NUAK1: variants seen among roughly 807,000 people sequenced by gnomAD.
NUAK1 encodes NUAK family kinase 1.
In NUAK1, 26 loss-of-function variants were observed where a neutral mutation model predicts 56.9. The ratio of observed to expected loss-of-function variants is 0.46; its 90% CI spans 0.33 to 0.63. The LOEUF (loss-of-function observed/expected upper bound fraction) is 0.63. Among genes scored for constraint, NUAK1 ranks in the 30% least tolerant of loss-of-function variants. The pLI, the probability that NUAK1 is intolerant of heterozygous loss-of-function variation, is 0.02. For synonymous variants in NUAK1, 337 were observed against 336.0 expected (o/e 1.00, Z -0.03); for missense variants, 727 against 876.1 (o/e 0.83, Z 2.15).
rs2033003524 is a variant in NUAK1 at position 106,124,083 on chromosome 12, G to A, written c.240+14331C>T. Among the ~76,000 whole-genome samples, 3 of 152,202 alleles carry A rather than the reference G, an allele frequency of 2.0e-5. No homozygotes were observed. The South Asian group carries it at 6.2e-4, about 32-fold the overall frequency. On this transcript the variant is annotated intron_variant, in intron 1 of 6. Coordinates refer to ENST00000261402, the MANE Select transcript of NUAK1 (RefSeq NM_014840.3). ...TCATGAGCTGTTTTAAGAAGCAAGT[G>A]CTTTTTCTGCTTGAAGCAAAGGGGT...
At chr12:106,084,514 G>A (rs1192473514) in intron 3 of NUAK1, among the ~76,000 whole-genome samples, 1 of 152,204 alleles carries the variant, frequency 6.6e-6, no homozygotes, top group Non-Finnish European at 1.5e-5. Context: ...CTCAGGGCTG[G>A]GTGAAAGATG....
In NUAK1 at chr12:106,067,900, A is replaced by G. The variant is rs777782412; in HGVS notation, c.888T>C (p.Thr296=). 6.2e-7 allele frequency: 1 copy of G among 1,614,034 alleles called. No individual in the cohort carries two copies. The highest frequency in any genetic ancestry group is 8.5e-7 in the Non-Finnish European group (1 of 1,179,930). The change falls in exon 7 of 7, where the codon ACT becomes ACC. Residue 296 remains threonine, a synonymous_variant. Transcript: ENST00000261402. This position sits in a 1 kb window ranked among gnomAD's most constrained non-coding sequence, Gnocchi z 6.0. The part of the protein sequence containing the change: ...MLMVNPDRRA[T]IEDIANHWWV... ...ACCAGTGGTTGGCAATGTCCTCAAT[A>G]GTGGCCCGGCGATCGGGGTTCACCA... is the stretch of plus-strand genomic sequence containing the variant.
chr12:106,111,992 A>G (rs1355988800), intron 1 of NUAK1, among the ~76,000 whole-genome samples: 1 of 151,378 alleles, frequency 6.6e-6, no homozygotes, highest in Non-Finnish European at 1.5e-5. Context: ...TGAATAGAAA[A>G]CATCACAGGG....
intron 2 of NUAK1, among the ~76,000 whole-genome samples, chr12:106,087,429 C>T (rs188517894): frequency 5.3e-5 from 8 of 152,304 alleles, no homozygotes; most frequent in Admixed American, 5.2e-4. Context: ...CACACCCATT[C>T]CATGTATTTA....
intron 1 of NUAK1, among the ~76,000 whole-genome samples, chr12:106,131,375 C>A (rs965328887): frequency 6.6e-6 from 1 of 152,186 alleles, no homozygotes; most frequent in Non-Finnish European, 1.5e-5. Context: ...CGCAGGCCCA[C>A]TCATCTACGC....
intron 2 of NUAK1, among the ~76,000 whole-genome samples, chr12:106,094,067 C>T (rs2032667976): frequency 6.6e-6 from 1 of 152,132 alleles, no homozygotes; most frequent in Admixed American, 6.5e-5. Flanking sequence ...CCTCAGCCTC[C>T]CAAAGTGCTG....
At chr12:106,125,031 TA>T (rs2033012652) in intron 1 of NUAK1, among the ~76,000 whole-genome samples, 2 of 149,940 alleles carry the variant, frequency 1.3e-5, no homozygotes, top group South Asian at 4.2e-4. Context: ...AATAAATAAA[TA>T]AATATCTGTT....
intron 1 of NUAK1, among the ~76,000 whole-genome samples, chr12:106,124,275 T>C (rs930963575): frequency 5.1e-4 from 78 of 152,362 alleles, no homozygotes; most frequent in African/African-American, 1.8e-3. Context: ...ATAAAGACAG[T>C]ATTTTTCCTG....
chr12:106,119,981 GA>G (rs11451604), intron 1 of NUAK1, among the ~76,000 whole-genome samples: 3 of 151,870 alleles, frequency 2.0e-5, no homozygotes, highest in Non-Finnish European at 2.9e-5. Flanking sequence ...CAATTATCTG[GA>G]AAAAAATATA....
At chr12:106,098,472 CAA>C (rs1365059375) in intron 2 of NUAK1, among the ~76,000 whole-genome samples, 4 of 152,122 alleles carry the variant, frequency 2.6e-5, no homozygotes, top group South Asian at 2.1e-4. Flanking sequence ...TAACAAATGC[CAA>C]AGAGGCTTCC....
At chr12:106,125,164 A>T (rs1292880357) in intron 1 of NUAK1, among the ~76,000 whole-genome samples, 26 of 152,182 alleles carry the variant, frequency 1.7e-4, no homozygotes, top group Admixed American at 1.5e-3. Context: ...TGTGGCAGTG[A>T]TGGAACCAGC....
intron 2 of NUAK1, among the ~76,000 whole-genome samples, chr12:106,089,777 A>C (rs1305901344): frequency 2.0e-5 from 3 of 152,182 alleles, no homozygotes; most frequent in African/African-American, 7.2e-5. Context: ...CAACTGAGTG[A>C]GACTTCATCT....
At chr12:106,088,746 A>G (rs2032601435) in intron 2 of NUAK1, among the ~76,000 whole-genome samples, 2 of 152,324 alleles carry the variant, frequency 1.3e-5, no homozygotes, top group South Asian at 4.1e-4. Context: ...GTTGCTATCA[A>G]TATTAATTCA....
rs185268804 is a variant in NUAK1, at chr12:106,082,827, C to T, written c.579+1037G>A. ...AAGCAAGGAAACAAGTCTCATCACACGCTCCTCCACTGATAGCAGCAACAA... is the reference window on the plus strand; with the variant it reads ...AAGCAAGGAAACAAGTCTCATCACATGCTCCTCCACTGATAGCAGCAACAA... On this transcript the variant is annotated intron_variant, in intron 4 of 6. Transcript: ENST00000261402. Among the ~76,000 whole-genome samples the T allele has an allele frequency of 4.7e-4, 71 of 152,210 alleles. No homozygotes were observed. The Middle Eastern group carries it at 0.01, about 22-fold the overall frequency.
chr12:106,081,058 T>C (rs950182781), intron 4 of NUAK1, among the ~76,000 whole-genome samples: 1 of 152,248 alleles, frequency 6.6e-6, no homozygotes, highest in African/African-American at 2.4e-5. Flanking sequence ...TGGAAGTGGA[T>C]GGGAGATGAT....
At chr12:106,081,453 G>C (rs1221123810) in intron 4 of NUAK1, among the ~76,000 whole-genome samples, 1 of 152,226 alleles carries the variant, frequency 6.6e-6, no homozygotes, top group Non-Finnish European at 1.5e-5. Context: ...CTTGGGAAAT[G>C]CCAGGATTAG....
intron 1 of NUAK1, among the ~76,000 whole-genome samples, chr12:106,118,025 A>G (rs2032936130): frequency 6.6e-6 from 1 of 152,132 alleles, no homozygotes; most frequent in African/African-American, 2.4e-5. Flanking sequence ...TTTCTTACCT[A>G]TCCACCCACT....
chr12:106,117,241 A>G (rs2032927171), intron 1 of NUAK1, among the ~76,000 whole-genome samples: 1 of 152,164 alleles, frequency 6.6e-6, no homozygotes, highest in Non-Finnish European at 1.5e-5. Flanking sequence ...TGCTCTTTCT[A>G]AGGTTTCAAG....
At chr12:106,127,827 G>A (rs997638408) in intron 1 of NUAK1, among the ~76,000 whole-genome samples, 2 of 152,138 alleles carry the variant, frequency 1.3e-5, no homozygotes, top group South Asian at 4.1e-4. Flanking sequence ...TACAAGTGAA[G>A]CAAGTGTGCT....
Sources: allele counts gnomAD v4.1 joint callset (sites outside exome capture counted in the v4.1 genomes callset), GRCh38; gene constraint gnomAD v4.1.1; non-coding constraint Gnocchi (gnomAD v3.1); transcripts MANE v1.5; gene names NCBI Gene and HGNC (gene_info 2026-07-23, HGNC 2026-07-21).